The following KCNIP1 variants were observed in gnomAD, a reference collection of about 807,000 sequenced individuals.
KCNIP1 encodes potassium voltage-gated channel interacting protein 1, also known as A-type potassium channel modulatory protein KCNIP1.
KCNIP1 carries 18 observed loss-of-function variants against 33.0 expected under a neutral mutation model. The ratio of observed to expected loss-of-function variants is 0.55; its 90% CI spans 0.38 to 0.81. The LOEUF is 0.81. Ranked by LOEUF, KCNIP1 falls within the 30% of genes least tolerant of loss-of-function variation. The pLI, the probability that KCNIP1 is intolerant of heterozygous loss-of-function variation, is 0.00. For synonymous variants in KCNIP1, 93 were observed against 98.3 expected (o/e 0.95, Z 0.32); for missense variants, 238 against 271.6 (o/e 0.88, Z 0.87).
chr5:170,607,016 C>T (rs901366896), intron 1 of KCNIP1, among the ~76,000 whole-genome samples: 1 of 152,206 alleles, frequency 6.6e-6, no homozygotes, highest in Non-Finnish European at 1.5e-5. Flanking sequence ...GAGTTCCTTT[C>T]CCCAGGATGT....
intron 1 of KCNIP1, among the ~76,000 whole-genome samples, chr5:170,633,244 A>G (rs1256623208): frequency 6.6e-6 from 1 of 152,080 alleles, no homozygotes; most frequent in Non-Finnish European, 1.5e-5. Flanking sequence ...AAGTGGGAGG[A>G]GGACGCTGGT....
At chr5:170,527,888 G>C (rs889558705) in intron 1 of KCNIP1, among the ~76,000 whole-genome samples, 2 of 151,880 alleles carry the variant, frequency 1.3e-5, no homozygotes, top group Non-Finnish European at 2.9e-5. Flanking sequence ...CATTCATTTG[G>C]GGGGACGCAC....
At chr5:170,535,878 G>A (rs560289245) in intron 1 of KCNIP1, among the ~76,000 whole-genome samples, 49 of 152,208 alleles carry the variant, frequency 3.2e-4, no homozygotes, top group African/African-American at 7.9e-4. Context: ...ACTGCCCTCC[G>A]CCTGTCTCAG....
chr5:170,403,782 C>T (rs898842927), intron 1 of KCNIP1, among the ~76,000 whole-genome samples: 6 of 152,208 alleles, frequency 3.9e-5, no homozygotes, highest in Non-Finnish European at 8.8e-5. Flanking sequence ...GAGCTCAGGC[C>T]TTTACACTCC....
intron 1 of KCNIP1, among the ~76,000 whole-genome samples, chr5:170,707,158 CAAAAA>C (rs34331045): frequency 6.4e-5 from 8 of 125,542 alleles, no homozygotes; most frequent in Admixed American, 3.8e-4. Flanking sequence ...AGTAAATCAT[CAAAAA>C]AAAAAAAAAA....
intron 1 of KCNIP1, among the ~76,000 whole-genome samples, chr5:170,490,070 G>T (rs1451609425): frequency 6.6e-6 from 1 of 152,336 alleles, no homozygotes; most frequent in East Asian, 1.9e-4. Flanking sequence ...GGGGGCAACA[G>T]GTTCTCTCCA....
intron 1 of KCNIP1, among the ~76,000 whole-genome samples, chr5:170,533,350 C>T (rs977516257): frequency 1.1e-4 from 16 of 152,334 alleles, no homozygotes; most frequent in African/African-American, 2.2e-4. Flanking sequence ...ATTTCTGATT[C>T]GCGGCATTGT....
At chr5:170,619,715 T>G (rs568245433) in intron 1 of KCNIP1, among the ~76,000 whole-genome samples, 2 of 152,200 alleles carry the variant, frequency 1.3e-5, no homozygotes, top group African/African-American at 4.8e-5. Context: ...TGGCCCATAA[T>G]TAGTTGTTAT....
intron 1 of KCNIP1, among the ~76,000 whole-genome samples, chr5:170,401,535 G>A (rs138663309): frequency 0.011 from 1,613 of 152,234 alleles, 25 homozygotes; most frequent in African/African-American, 0.034. Flanking sequence ...AAGCCAAGAC[G>A]AGAAGATTGC....
intron 1 of KCNIP1, among the ~76,000 whole-genome samples, chr5:170,491,593 G>C (rs1251904001): frequency 1.3e-5 from 2 of 152,168 alleles, no homozygotes; most frequent in African/African-American, 4.8e-5. Context: ...GATATTTGTG[G>C]TTTAAGCTTC....
At chr5:170,383,881 C>T (rs769796330) in intron 1 of KCNIP1, 12 of 1,608,106 alleles carry the variant, frequency 7.5e-6, no homozygotes, top group East Asian at 4.5e-5. Context: ...CACACATACA[C>T]ATCTCAGAAC....
chr5:170,701,645 A>G (rs1211000165), intron 1 of KCNIP1, among the ~76,000 whole-genome samples: 3 of 152,210 alleles, frequency 2.0e-5, no homozygotes, highest in Admixed American at 6.5e-5. Context: ...CCTTACTCGC[A>G]GCCAAGCAAA....
At chr5:170,562,615 A>C (rs768519223) in intron 1 of KCNIP1, among the ~76,000 whole-genome samples, 4 of 152,162 alleles carry the variant, frequency 2.6e-5, no homozygotes, top group Non-Finnish European at 4.4e-5. Flanking sequence ...CCTGGCATCC[A>C]ATGGGTGCCT....
intron 1 of KCNIP1, chr5:170,378,100 A>G (rs1764080457): frequency 1.3e-5 from 2 of 152,220 alleles, no homozygotes; most frequent in Non-Finnish European, 2.9e-5. Flanking sequence ...GGAAGAAAAC[A>G]GAAATTAACC....
chr5:170,415,529 G>GC (rs202085120), intron 1 of KCNIP1, among the ~76,000 whole-genome samples: 2,664 of 152,222 alleles, frequency 0.018, 34 homozygotes, highest in South Asian at 0.052. Flanking sequence ...CCTCCCCGGG[G>GC]AACATGGCTG....
At chr5:170,542,476 A>C (rs1234654629) in intron 1 of KCNIP1, among the ~76,000 whole-genome samples, 1 of 152,192 alleles carries the variant, frequency 6.6e-6, no homozygotes, top group Non-Finnish European at 1.5e-5. Context: ...GAAAGTGTCG[A>C]GACTCAACCC....
At chr5:170,485,701 C>T (rs1757076362) in intron 1 of KCNIP1, among the ~76,000 whole-genome samples, 1 of 152,156 alleles carries the variant, frequency 6.6e-6, no homozygotes, top group Non-Finnish European at 1.5e-5. Context: ...AAGGCCAAGG[C>T]CTCCAGGCTG....
At chr5:170,367,349 A>AAAAC (rs1763692469) in intron 1 of KCNIP1, among the ~76,000 whole-genome samples, 1 of 76,890 alleles carries the variant, frequency 1.3e-5, no homozygotes, top group Non-Finnish European at 2.5e-5. Context: ...GAAGGAAAGA[A>AAAAC]AAAGAAAGAA....
At chr5:170,378,634 T>C in intron 1 of KCNIP1, 2 of 1,488,512 alleles carry the variant, frequency 1.3e-6, no homozygotes, top group Non-Finnish European at 1.8e-6. Context: ...GTGCTGCAAG[T>C]GGGGAGCAGC....
Sources: allele counts gnomAD v4.1 joint callset (sites outside exome capture counted in the v4.1 genomes callset), GRCh38; gene constraint gnomAD v4.1.1; transcripts MANE v1.5; gene names NCBI Gene and HGNC (gene_info 2026-07-23, HGNC 2026-07-21).